The following PRIMPOL variants were observed in gnomAD, a reference collection of about 807,000 sequenced individuals.
PRIMPOL encodes the protein DNA-directed primase/polymerase protein.
A neutral mutation model predicts 63.6 loss-of-function variants in PRIMPOL; 54 were observed. The ratio of observed to expected loss-of-function variants is 0.85; its 90% CI spans 0.68 to 1.07. The LOEUF is 1.07. PRIMPOL is among the 50% of genes least tolerant of loss of function. PRIMPOL has a pLI of 0.00. For missense variants in PRIMPOL, 610 were observed against 648.3 expected (o/e 0.94, Z 0.64); for synonymous variants, 197 against 220.2 (o/e 0.89, Z 0.93).
At chr4:184,691,343 C>T in intron 11 of PRIMPOL, 156 bp from the exon 12 acceptor site, 1 of 533,514 alleles carries the variant, frequency 1.9e-6, no homozygotes, top group Non-Finnish European at 3.3e-6. Context: ...TTGGCAACCA[C>T]CGTTTTGATT....
chr4:184,653,220 G>C (rs1232908652), intron 2 of PRIMPOL, among the ~76,000 whole-genome samples: 2 of 151,912 alleles, frequency 1.3e-5, no homozygotes, highest in Non-Finnish European at 1.5e-5. Flanking sequence ...GGAAGCATGT[G>C]CCCCCTCCTT....
intron 13 of PRIMPOL, among the ~76,000 whole-genome samples, chr4:184,691,932 CAGTTT>C (rs1758674076): frequency 1.4e-5 from 2 of 145,402 alleles, no homozygotes; most frequent in Non-Finnish European, 3.0e-5. Context: ...TTGAGGTGTA[CAGTTT>C]AATCAGTCCC....
Position 184,694,844 on chromosome 4 carries a change from A to T in PRIMPOL, c.*65A>T, listed in dbSNP as rs2150194624. The T allele has an allele frequency of 7.4e-7, 1 of 1,348,984 alleles. No individual in the cohort carries two copies. The highest frequency in any genetic ancestry group is 2.3e-5 in the East Asian group (1 of 43,082). 83.6% of individuals were successfully genotyped at this position (1,348,984 alleles called of 1,614,324 possible). A position where few individuals can be genotyped will look rare whatever the true frequency, so the allele number is the denominator to read the frequency against. On this transcript the variant is annotated 3_prime_UTR_variant, in exon 14 of 14. Transcript: ENST00000314970. Reference sequence around the variant, plus strand: ...TGCCTGATGTCTGTGAGATTTGATAAATATATCATTCAACCTGTTTATATA... The same window carrying T: ...TGCCTGATGTCTGTGAGATTTGATATATATATCATTCAACCTGTTTATATA...
rs555951257 is a variant in PRIMPOL, at chr4:184,657,200, G to T, written c.60G>T (p.Glu20Asp). The change falls in exon 3 of 14, where the codon GAG (glutamate) becomes GAT (aspartate). Residue 20 changes from glutamate (E) to aspartate (D), a missense_variant. Glu to Asp is a conservative substitution (Grantham distance 45). Around this residue, in one of 3 missense-constraint regions of PRIMPOL, gnomAD observed 159 missense variants for 168.9 expected, o/e 0.94. Transcript: ENST00000314970. ...TTGAAGAACGAGCATCTCATTATGA[G>T]AGGAAACCGTTGTCCTCAGTGTATA... ...KQIEERASHY[E>D]RKPLSSVYRP... is the part of the protein sequence containing the mutation. 1.7e-5 allele frequency: 28 copies of T among 1,613,104 alleles called. No individual in the cohort carries two copies. Among genetic ancestry groups the T allele is most frequent in the Middle Eastern group, 1.7e-4 (1 of 6,058 alleles).
intron 2 of PRIMPOL, among the ~76,000 whole-genome samples, chr4:184,655,611 C>T (rs964476853): frequency 6.6e-6 from 1 of 152,174 alleles, no homozygotes; most frequent in Non-Finnish European, 1.5e-5. Flanking sequence ...GGAGCCACCG[C>T]GCCTGGCCCC....
intron 11 of PRIMPOL, among the ~76,000 whole-genome samples, chr4:184,689,765 G>T (rs978951381): frequency 1.3e-5 from 2 of 152,082 alleles, no homozygotes; most frequent in African/African-American, 4.8e-5. Context: ...GATGTTAATG[G>T]TGCTTTCTAT....
At chr4:184,668,807 G>C (rs1028850772) in intron 6 of PRIMPOL, among the ~76,000 whole-genome samples, 17 of 151,864 alleles carry the variant, frequency 1.1e-4, no homozygotes, top group African/African-American at 3.9e-4. Flanking sequence ...TTTCTCTAGG[G>C]CAGGGACTGT....
rs35377252 is a variant in PRIMPOL, at chr4:184,693,140, CAT to C, written c.1426-1379_1426-1378del. ...CTTAACACGTCTCTCGAAAAAACTC[CAT>C]ATGTTTGAAATGGTGGAAATTCCAT... is the stretch of plus-strand genomic sequence containing the variant. On this transcript the variant is annotated intron_variant, in intron 13 of 13. Transcript: ENST00000314970. Among the ~76,000 whole-genome samples, 534 of 152,248 alleles carry C rather than the reference CAT, an allele frequency of 3.5e-3. 5 individuals are homozygous for C. Among genetic ancestry groups the C allele is most frequent in the African/African-American group, 0.012 (509 of 41,550 alleles).
Position 184,694,689 on chromosome 4 carries a change from A to G in PRIMPOL, c.1593A>G (p.Leu531=). 6.2e-7 allele frequency: 1 copy of G among 1,614,090 alleles called. No homozygotes were observed. Among genetic ancestry groups the G allele is most frequent in the East Asian group, 2.2e-5 (1 of 44,888 alleles). ...YFLEATEDAE[L]AEAAENSLLS... ...TAGAAGCTACTGAAGATGCTGAATT[A>G]GCTGAAGCTGCAGAGAACAGTCTTC... The change falls in exon 14 of 14, where the codon TTA becomes TTG. Residue 531 remains leucine, a synonymous_variant. Transcript: ENST00000314970.
At chr4:184,675,535 T>C (rs562193510) in intron 7 of PRIMPOL, among the ~76,000 whole-genome samples, 2 of 152,142 alleles carry the variant, frequency 1.3e-5, no homozygotes, top group Non-Finnish European at 2.9e-5. Flanking sequence ...AATATCCTTA[T>C]TGAAAAAAAT....
chr4:184,661,725 A>G (rs2150053299), intron 4 of PRIMPOL, 49 bp from the exon 5 acceptor site: 2 of 1,266,640 alleles, frequency 1.6e-6, no homozygotes, highest in East Asian at 2.6e-5. Flanking sequence ...TCAATCAATC[A>G]ATAAAGGTAT....
In PRIMPOL at chr4:184,691,582, G is replaced by C. The variant is rs144707273; in HGVS notation, c.1378+1G>C. 4.4e-5 allele frequency: 70 copies of C among 1,603,672 alleles called. No individual in the cohort carries two copies. ...AAAGCAGAAAACTTCAAATCTGACT[G>C]TAAGTTACTAATTTTTACATTTACC... is the stretch of plus-strand genomic sequence containing the variant. On this transcript the variant is annotated splice_donor_variant, in intron 12 of 13. Coordinates refer to ENST00000314970, the MANE Select transcript of PRIMPOL (RefSeq NM_152683.4). LOFTEE classifies it high-confidence loss of function.
intron 6 of PRIMPOL, among the ~76,000 whole-genome samples, chr4:184,668,140 C>T (rs1029745746): frequency 5.3e-5 from 8 of 152,176 alleles, no homozygotes; most frequent in Non-Finnish European, 1.0e-4. Flanking sequence ...TATCTTCAGC[C>T]CAGATTGTTC....
chr4:184,694,405 T>C (rs1759991286), intron 13 of PRIMPOL, 117 bp from the exon 14 acceptor site: 4 of 1,430,240 alleles, frequency 2.8e-6, no homozygotes, highest in Non-Finnish European at 3.7e-6. Flanking sequence ...TCCTGCATAT[T>C]CACTTTAGTA....
intron 6 of PRIMPOL, among the ~76,000 whole-genome samples, chr4:184,666,392 G>A (rs968112143): frequency 6.6e-6 from 1 of 152,206 alleles, no homozygotes; most frequent in African/African-American, 2.4e-5. Flanking sequence ...GAACCCAGGA[G>A]GCAGAGGTTG....
At chr4:184,661,988 A>G in intron 5 of PRIMPOL, 85 bp downstream of exon 5, 14 of 1,283,912 alleles carry the variant, frequency 1.1e-5, no homozygotes, top group Non-Finnish European at 1.5e-5. Flanking sequence ...ACATAATAGT[A>G]GGTTCTGTAT....
chr4:184,694,821 C>T lies in PRIMPOL; in HGVS notation c.*42C>T, dbSNP rs1324281866. On this transcript the variant is annotated 3_prime_UTR_variant, in exon 14 of 14. Coordinates refer to ENST00000314970, the MANE Select transcript of PRIMPOL (RefSeq NM_152683.4). ...ACTTTTGTCACCAGGCTATAATTTG[C>T]CTGATGTCTGTGAGATTTGATAAAT... 3 of 1,524,750 alleles carry T rather than the reference C, an allele frequency of 2.0e-6. No individual in the cohort carries two copies. The highest frequency in any genetic ancestry group is 2.7e-5 in the African/African-American group (2 of 72,750). 94.5% of individuals were successfully genotyped at this position (1,524,750 alleles called of 1,614,324 possible). A position where few individuals can be genotyped will look rare whatever the true frequency, so the allele number is the denominator to read the frequency against.
At chr4:184,674,318 A>G (rs11132253) in intron 7 of PRIMPOL, among the ~76,000 whole-genome samples, 131,316 of 152,172 alleles carry the variant, frequency 0.86, 56,768 homozygotes, top group East Asian at 1. Context: ...AGTATGTGAC[A>G]TTTATACAGA....
intron 5 of PRIMPOL, 108 bp downstream of exon 5, chr4:184,662,011 T>G (rs1199939883): frequency 7.6e-5 from 71 of 934,080 alleles, no homozygotes; most frequent in Non-Finnish European, 9.4e-5. Flanking sequence ...CTTCTTTTTC[T>G]TGCTACTCTT....
Sources: gnomAD v4.1 joint callset for allele counts (sites outside exome capture counted in the v4.1 genomes callset) on GRCh38, gnomAD v4.1.1 for gene constraint, gnomAD v4.1.1 regional missense constraint, MANE v1.5 for transcripts, NCBI Gene and HGNC (gene_info 2026-07-23, HGNC 2026-07-21) for gene names.